GPR179: variants seen among roughly 807,000 people sequenced by gnomAD.
GPR179 encodes the protein G protein-coupled receptor 179.
Under a neutral mutation model 70.8 loss-of-function variants are expected in GPR179, and 52 were observed. The observed-to-expected ratio is 0.73, with a 90% CI of 0.59 to 0.93. The LOEUF (loss-of-function observed/expected upper bound fraction) is 0.93. Among genes scored for constraint, GPR179 ranks in the 40% least tolerant of loss-of-function variants. The pLI is 0.00. For synonymous variants in GPR179, 1,123 were observed against 1,169.0 expected, an observed-to-expected ratio of 0.96 and a Z score of 0.80; for missense variants, 2,734 against 2,966.8, an observed-to-expected ratio of 0.92 and a Z score of 1.82.
intron 10 of GPR179, 140 bp from the exon 11 acceptor site, chr17:38,331,671 ACT>A: frequency 7.1e-7 from 1 of 1,403,766 alleles, no homozygotes; most frequent in Non-Finnish European, 9.3e-7. Flanking sequence ...TGCTTCTAAA[ACT>A]CTCGTAATTC....
At position 38,327,444 on chromosome 17, in the gene GPR179, T is replaced by C. The variant is rs74365049; in HGVS notation, c.6125A>G (p.Gln2042Arg). ...VSRQDGKGDSQEEKGRAPEKS... is the reference protein window; with the variant it reads ...VSRQDGKGDSREEKGRAPEKS... ...TTCTGGGGCTCTGCCTTTCTCTTCTTGAGAGTCCCCTTTTCCATCCTGCCT... is the reference window on the plus strand; with the variant it reads ...TTCTGGGGCTCTGCCTTTCTCTTCTCGAGAGTCCCCTTTTCCATCCTGCCT... The change falls in exon 11 of 11, where the codon CAA becomes CGA. Residue 2042 changes from glutamine to arginine, a missense_variant. Physicochemically the swap from Gln to Arg is conservative, Grantham distance 43. Coordinates refer to ENST00000616987, the MANE Select transcript of GPR179 (RefSeq NM_001004334.4). The C allele has an allele frequency of 1.2e-5, 19 of 1,614,194 alleles. No individual in the cohort carries two copies. In the East Asian group the frequency reaches 4.0e-4, roughly 34 times the overall value.
chr17:38,327,511 G>A lies in GPR179; in HGVS notation c.6058C>T (p.Pro2020Ser), dbSNP rs751498856. 1.2e-6 allele frequency: 2 copies of A among 1,614,190 alleles called. No individual in the cohort carries two copies. The highest frequency in any genetic ancestry group is 1.7e-6 in the Non-Finnish European group (2 of 1,180,036). Reference sequence around the variant, plus strand: ...GGGATTCTTTCAGTCACTTCCCAGGGACAGGTCTCAGCCTTGGCACTGCTG... The same window carrying A: ...GGGATTCTTTCAGTCACTTCCCAGGAACAGGTCTCAGCCTTGGCACTGCTG... The part of the protein sequence containing the change: ...SDSSAKAETC[P>S]WEVTERIPVK... The change falls in exon 11 of 11, where the codon CCC becomes TCC. Residue 2020 changes from proline to serine, a missense_variant. Physicochemically the swap from Pro to Ser is moderately conservative, Grantham distance 74. Transcript: ENST00000616987.
intron 6 of GPR179, 91 bp from the exon 7 acceptor site, chr17:38,335,362 C>T: frequency 1.0e-6 from 1 of 981,414 alleles, no homozygotes; most frequent in Non-Finnish European, 1.5e-6. Flanking sequence ...CCATTGCTGC[C>T]CTCTCCTCCA....
intron 10 of GPR179, among the ~76,000 whole-genome samples, 154 bp from the exon 11 acceptor site, chr17:38,331,685 C>T (rs575035228): frequency 5.6e-4 from 86 of 152,336 alleles, no homozygotes; most frequent in Middle Eastern, 3.4e-3. Flanking sequence ...TCGTAATTCA[C>T]CTCTTTGTTC....
chr17:38,330,100 G>T lies in GPR179; in HGVS notation c.3469C>A (p.Gln1157Lys). 6.2e-7 allele frequency: 1 copy of T among 1,613,202 alleles called. No individual in the cohort carries two copies. The highest frequency in any genetic ancestry group is 8.5e-7 in the Non-Finnish European group (1 of 1,179,538). ...AGCATCCTGCTGGTGTGAGCGTTCTGTTGGTTCTGGAGGGACTCCTTGTCA... is the reference window on the plus strand; with the variant it reads ...AGCATCCTGCTGGTGTGAGCGTTCTTTTGGTTCTGGAGGGACTCCTTGTCA... ...SDDKESLQNQ[Q>K]NAHTSRMLQV... Residue 1157 changes from glutamine (Q) to lysine (K), a missense_variant, in exon 11 of 11, where the codon CAG becomes AAG. By Grantham distance (53) the Gln-to-Lys change is moderately conservative (BLOSUM62 1). Coordinates refer to ENST00000616987, the MANE Select transcript of GPR179 (RefSeq NM_001004334.4).
At chr17:38,331,577 C>G in intron 10 of GPR179, 46 bp from the exon 11 acceptor site, 8 of 1,552,450 alleles carry the variant, frequency 5.2e-6, no homozygotes, top group Non-Finnish European at 7.0e-6. Flanking sequence ...TGAGCTCTCT[C>G]CATCCCCTGG....
In GPR179 at chr17:38,343,099, G is replaced by C. The variant is rs200731095; in HGVS notation, c.691C>G (p.Pro231Ala). 2 of 1,614,194 alleles carry C rather than the reference G, an allele frequency of 1.2e-6. No individual in the cohort carries two copies. The highest frequency in any genetic ancestry group is 1.6e-4 in the Middle Eastern group (1 of 6,062). The part of the protein sequence containing the change: ...VGDTQQVRLS[P>A]PFLECQEGRL... ...CCCTCCTGGCATTCCAGGAAAGGAG[G>C]AGACAGCCTCACCTGCTGCGTGTCC... Residue 231 changes from proline to alanine, a missense_variant, in exon 1 of 11, where the codon CCT (proline) becomes GCT (alanine). By Grantham distance (27) the Pro-to-Ala change is conservative. Transcript: ENST00000616987. The surrounding 1 kb of genome is among the most constrained non-coding windows in gnomAD (Gnocchi z 4.2).
chr17:38,326,369 GCTGTC>G lies in GPR179; in HGVS notation c.*91_*95del. The stretch of plus-strand genomic sequence containing the variant: ...CTTCTCAAGGAGGGGAAGTGGCCAA[GCTGTC>G]TTTGATTCAGCTCTTTGGGAACACC... On this transcript the variant is annotated 3_prime_UTR_variant, in exon 11 of 11. Transcript: ENST00000616987. 2.2e-6 allele frequency: 2 copies of G among 925,286 alleles called. No homozygotes were observed. The highest frequency in any genetic ancestry group is 3.3e-6 in the Non-Finnish European group (2 of 607,806). The allele number at this position is 925,286 out of a possible 1,614,324, so 57.3% of individuals were successfully genotyped here. A position where few individuals can be genotyped will look rare whatever the true frequency, so the allele number is the denominator to read the frequency against.
chr17:38,342,702 C>T (rs2037459367), intron 1 of GPR179, among the ~76,000 whole-genome samples: 1 of 152,224 alleles, frequency 6.6e-6, no homozygotes, highest in Non-Finnish European at 1.5e-5. Context: ...ATATGTATAC[C>T]TATTTGTATA....
Position 38,327,716 on chromosome 17 carries a change from G to T in GPR179, c.5853C>A (p.Ser1951Arg), listed in dbSNP as rs1438281848. ...ATGGACAGACGGATTGTAGCTCATGGCTTGTTTTTTCCCCATCTTCAGTAG... is the reference window on the plus strand; with the variant it reads ...ATGGACAGACGGATTGTAGCTCATGTCTTGTTTTTTCCCCATCTTCAGTAG... Reference protein sequence around the residue: ...EFTTEDGEKTSHELQSVCPWE... With the variant: ...EFTTEDGEKTRHELQSVCPWE... Residue 1951 changes from serine to arginine, a missense_variant, in exon 11 of 11, where the codon AGC becomes AGA. Coordinates refer to ENST00000616987, the MANE Select transcript of GPR179 (RefSeq NM_001004334.4). The T allele has an allele frequency of 6.2e-7, 1 of 1,614,192 alleles. No individual in the cohort carries two copies. The highest frequency in any genetic ancestry group is 8.5e-7 in the Non-Finnish European group (1 of 1,180,026).
At position 38,334,544 on chromosome 17, in the gene GPR179, A is replaced by G. The variant is rs72832278; in HGVS notation, c.1784+160T>C. ...GCCAGGCATGGAGTACAGAAGGGGC[A>G]TCTGGGGGGTAGGGAGAGAGCCAGA... On this transcript the variant is annotated intron_variant, in intron 8 of 10. Transcript: ENST00000616987. The surrounding 1 kb of genome is among the most constrained non-coding windows in gnomAD (Gnocchi z 4.7). Among the ~76,000 whole-genome samples, 5,657 of 150,570 alleles carry G rather than the reference A, an allele frequency of 0.038. 142 individuals carry two copies. The highest frequency in any genetic ancestry group is 0.26 in the Middle Eastern group (75 of 292).
chr17:38,343,736 G>A lies in GPR179; in HGVS notation c.54C>T (p.Cys18=), dbSNP rs989883174. Residue 18 remains cysteine, a synonymous_variant, in exon 1 of 11, where the codon TGC becomes TGT. Coordinates refer to ENST00000616987, the MANE Select transcript of GPR179 (RefSeq NM_001004334.4). This position sits in a 1 kb window ranked among gnomAD's most constrained non-coding sequence, Gnocchi z 4.2. ...MPPPMWGLLG[C]CFVCAWALGG... ...CCAGAGCCCAGGCACAGACAAAACA[G>A]CAGCCCAGCAGCCCCCACATAGGAG... 1 of 1,547,992 alleles carries A rather than the reference G, an allele frequency of 6.5e-7. No homozygotes were observed. Among genetic ancestry groups the A allele is most frequent in the Non-Finnish European group, 8.7e-7 (1 of 1,146,856 alleles).
Position 38,326,745 on chromosome 17 carries a change from A to G in GPR179, c.6824T>C (p.Leu2275Pro), listed in dbSNP as rs148601715. ...CAGAGGCCCATGGACTAAAAGGCAT[A>G]GTGGTTTTTCAGGAGCTGTGGGGAA... ...EFFPTAPEKPLCLLVHGPLDH... is the reference protein window; with the variant it reads ...EFFPTAPEKPPCLLVHGPLDH... The change falls in exon 11 of 11, where the codon CTA becomes CCA. Residue 2275 changes from leucine to proline, a missense_variant. By Grantham distance (98) the Leu-to-Pro change is moderately conservative (BLOSUM62 -3). Transcript: ENST00000616987. 4.9e-4 allele frequency: 797 copies of G among 1,614,178 alleles called. 11 individuals carry two copies. In the East Asian group the frequency reaches 0.016, roughly 32 times the overall value.
chr17:38,340,972 T>A (rs1213033746), intron 1 of GPR179, among the ~76,000 whole-genome samples: 1 of 152,188 alleles, frequency 6.6e-6, no homozygotes, highest in Non-Finnish European at 1.5e-5. Context: ...AATAAATTTG[T>A]TATGCCTTTC....
At chr17:38,332,337 A>C (rs2037367216) in intron 10 of GPR179, among the ~76,000 whole-genome samples, 1 of 152,180 alleles carries the variant, frequency 6.6e-6, no homozygotes, top group African/African-American at 2.4e-5. Context: ...TGTATAAAAC[A>C]ATGGGCTTAG....
rs1490739975 is a variant in GPR179, at chr17:38,330,848, C to T, written c.2721G>A (p.Lys907=). 5.0e-6 allele frequency: 8 copies of T among 1,603,278 alleles called. No individual in the cohort carries two copies. Among genetic ancestry groups the T allele is most frequent in the Non-Finnish European group, 6.8e-6 (8 of 1,175,210 alleles). Residue 907 remains lysine (K), a synonymous_variant, in exon 11 of 11, where the codon AAG becomes AAA. Coordinates refer to ENST00000616987, the MANE Select transcript of GPR179 (RefSeq NM_001004334.4). ...TGTGAGAGCTGTCCACGCTGCTGCT[C>T]TTGGCAGGGGAAGGTGGAGCTGACA... ...APLSAPPSPA[K]SSSVDSSHTS...
Position 38,327,635 on chromosome 17 carries a change from G to C in GPR179, c.5934C>G (p.Asp1978Glu). ...GTCTCTGGGAGCTAGCTTTAGGTTG[G>C]TCAGGGCGCTGTCTGTCTAGGTGAG... ...SVSHLDRQRPDQPKASSQRLV... is the reference protein window; with the variant it reads ...SVSHLDRQRPEQPKASSQRLV... The change falls in exon 11 of 11, where the codon GAC becomes GAG. Residue 1978 changes from aspartate to glutamate, a missense_variant. Asp to Glu is a conservative substitution (Grantham distance 45). Coordinates refer to ENST00000616987, the MANE Select transcript of GPR179 (RefSeq NM_001004334.4). The C allele has an allele frequency of 6.2e-7, 1 of 1,614,228 alleles. No homozygotes were observed. The highest frequency in any genetic ancestry group is 8.5e-7 in the Non-Finnish European group (1 of 1,180,044).
rs902429530 is a variant in GPR179, at chr17:38,326,126, T to A, written c.*339A>T. On this transcript the variant is annotated 3_prime_UTR_variant, in exon 11 of 11. Coordinates refer to ENST00000616987, the MANE Select transcript of GPR179 (RefSeq NM_001004334.4). ...GGCTGGGCACAACTGACTTTTTTCA[T>A]CCCTAACAGTGGCTTTGTGGGTGAG... The A allele has an allele frequency of 1.5e-5, 4 of 265,906 alleles. No individual in the cohort carries two copies. The highest frequency in any genetic ancestry group is 2.8e-5 in the Non-Finnish European group (4 of 140,986). The allele number at this position is 265,906 out of a possible 1,614,324, so 16.5% of individuals were successfully genotyped here.
chr17:38,341,203 C>A (rs751803578), intron 1 of GPR179, among the ~76,000 whole-genome samples: 1 of 152,168 alleles, frequency 6.6e-6, no homozygotes, highest in Non-Finnish European at 1.5e-5. Flanking sequence ...CTTCTTTCTA[C>A]TAGGTTGTTC....
Sources: gnomAD v4.1 joint callset for allele counts (sites outside exome capture counted in the v4.1 genomes callset) on GRCh38, gnomAD v4.1.1 for gene constraint, Gnocchi (gnomAD v3.1) non-coding constraint, MANE v1.5 for transcripts, NCBI Gene and HGNC (gene_info 2026-07-23, HGNC 2026-07-21) for gene names.